Variants in SFT2D1 observed in about 807,000 individuals in gnomAD.
SFT2D1 encodes vesicle transport protein SFT2A.
A neutral mutation model predicts 28.1 loss-of-function variants in SFT2D1; 24 were observed. That is an observed-to-expected ratio of 0.85 (90% CI 0.62 to 1.20). The LOEUF (loss-of-function observed/expected upper bound fraction) is 1.20. Among genes scored for constraint, SFT2D1 ranks in the 50% most tolerant of loss-of-function variants. SFT2D1 has a pLI of 0.00. For synonymous variants in SFT2D1, 82 were observed against 73.7 expected (o/e 1.11, Z -0.58); for missense variants, 181 against 190.9 (o/e 0.95, Z 0.31).
At chr6:166,321,236 CTTCA>C (rs1243640013) in intron 7 of SFT2D1, among the ~76,000 whole-genome samples, 3 of 152,116 alleles carry the variant, frequency 2.0e-5, no homozygotes, top group South Asian at 4.2e-4. Flanking sequence ...TTACTTGATA[CTTCA>C]TTCATTAAAA....
chr6:166,326,242 G>A, intron 4 of SFT2D1, 75 bp from the exon 5 acceptor site: 1 of 1,279,118 alleles, frequency 7.8e-7, no homozygotes, highest in South Asian at 1.2e-5. Context: ...AAACTATTCT[G>A]CATTCATTTA....
At chr6:166,332,353 C>G (rs1284197947) in intron 1 of SFT2D1, among the ~76,000 whole-genome samples, 2 of 152,222 alleles carry the variant, frequency 1.3e-5, no homozygotes, top group Non-Finnish European at 2.9e-5. Flanking sequence ...CTCCCAGGTT[C>G]AAGTGATTCT....
intron 1 of SFT2D1, among the ~76,000 whole-genome samples, chr6:166,341,727 A>C (rs1778785796): frequency 6.6e-6 from 1 of 152,086 alleles, no homozygotes; most frequent in African/African-American, 2.4e-5. Flanking sequence ...AAAAAAACTT[A>C]CACCGCAGTT....
chr6:166,340,401 T>C (rs1057219986), intron 1 of SFT2D1, among the ~76,000 whole-genome samples: 2 of 152,240 alleles, frequency 1.3e-5, no homozygotes, highest in African/African-American at 2.4e-5. Flanking sequence ...ATCCTTTCTA[T>C]GGCCTATGAG....
chr6:166,342,315 C>A lies in SFT2D1; in HGVS notation c.63+104G>T, dbSNP rs556237701. On this transcript the variant is annotated intron_variant, in intron 1 of 7. Transcript: ENST00000361731. The stretch of plus-strand genomic sequence containing the variant: ...AAATCAACCAGCCGGGCAGAGGAGT[C>A]CCAGACCCCCGGCCTCGCACCCACC... 19 of 1,050,650 alleles carry A rather than the reference C, an allele frequency of 1.8e-5. No individual in the cohort carries two copies. In the Admixed American group the frequency reaches 2.7e-4, roughly 15 times the overall value. 65.1% of individuals were successfully genotyped at this position (1,050,650 alleles called of 1,614,324 possible).
rs1307850943 is a variant in SFT2D1, at chr6:166,342,448, C to T, written c.34G>A (p.Asp12Asn). Residue 12 changes from aspartate to asparagine, a missense_variant, in exon 1 of 8, where the codon GAC becomes AAC. Transcript: ENST00000361731. ...EKLRRVLSGQ[D>N]DEEQGLTAQV... ...GCAGTCAGGCCCTGCTCCTCGTCGTCCTGGCCGCTCAGGACTCGCCGCAGC... is the reference window on the plus strand; with the variant it reads ...GCAGTCAGGCCCTGCTCCTCGTCGTTCTGGCCGCTCAGGACTCGCCGCAGC... 6.4e-7 allele frequency: 1 copy of T among 1,560,278 alleles called. No individual in the cohort carries two copies. Among genetic ancestry groups the T allele is most frequent in the Non-Finnish European group, 8.7e-7 (1 of 1,152,796 alleles).
rs75839579 is a variant in SFT2D1, at chr6:166,327,443, G to C, written c.315+833C>G. On this transcript the variant is annotated intron_variant, in intron 4 of 7. Coordinates refer to ENST00000361731, the MANE Select transcript of SFT2D1 (RefSeq NM_145169.3). ...CTCAAGATAATAAGAGTGATGACCT[G>C]AGAGTTGTGGACAGAACCCACAATG... Among the ~76,000 whole-genome samples the C allele has an allele frequency of 3.9e-4, 59 of 152,318 alleles. 1 individual carries two copies. In the East Asian group the frequency reaches 0.011, roughly 29 times the overall value.
intron 6 of SFT2D1, 189 bp downstream of exon 6, chr6:166,324,348 C>A: frequency 3.8e-6 from 2 of 521,378 alleles, no homozygotes; most frequent in Non-Finnish European, 6.9e-6. Flanking sequence ...ATACTTCTCC[C>A]GAACAGTACC....
At chr6:166,326,218 T>G in intron 4 of SFT2D1, 51 bp from the exon 5 acceptor site, 1 of 1,510,626 alleles carries the variant, frequency 6.6e-7, no homozygotes. Flanking sequence ...TTCAAAAGCC[T>G]AATAAAAATG....
rs1484716066 is a variant in SFT2D1, at chr6:166,339,933, G to A, written c.63+2486C>T. Among the ~76,000 whole-genome samples the A allele has an allele frequency of 2.0e-5, 3 of 152,126 alleles. No individual in the cohort carries two copies. The East Asian group carries it at 5.8e-4, about 29-fold the overall frequency. On this transcript the variant is annotated intron_variant, in intron 1 of 7. Coordinates refer to ENST00000361731, the MANE Select transcript of SFT2D1 (RefSeq NM_145169.3). ...AACTGCTTTCCTCACATCTCCACTT[G>A]GATGCTACCTGGATCTCAGACTTCA... is the stretch of plus-strand genomic sequence containing the variant.
chr6:166,329,766 A>G (rs1778516468), intron 2 of SFT2D1, among the ~76,000 whole-genome samples, 177 bp from the exon 3 acceptor site: 1 of 152,242 alleles, frequency 6.6e-6, no homozygotes, highest in Non-Finnish European at 1.5e-5. Flanking sequence ...AATGTTATAC[A>G]CTAACTTGAA....
chr6:166,320,428 G>T (rs947291839), intron 7 of SFT2D1, among the ~76,000 whole-genome samples, 172 bp from the exon 8 acceptor site: 1 of 152,132 alleles, frequency 6.6e-6, no homozygotes, highest in Non-Finnish European at 1.5e-5. Flanking sequence ...GCTAAGATTT[G>T]AAAACATTTT....
intron 1 of SFT2D1, among the ~76,000 whole-genome samples, chr6:166,341,963 A>C (rs1215138809): frequency 6.6e-6 from 1 of 152,104 alleles, no homozygotes; most frequent in Non-Finnish European, 1.5e-5. Context: ...CCCCCAGCAA[A>C]CACACACATA....
intron 3 of SFT2D1, among the ~76,000 whole-genome samples, 183 bp from the exon 4 acceptor site, chr6:166,328,540 G>A (rs1159656547): frequency 6.6e-6 from 1 of 152,048 alleles, no homozygotes; most frequent in African/African-American, 2.4e-5. Flanking sequence ...ACATGCTATG[G>A]TGTGAAGGTG....
rs116666199 is a variant in SFT2D1, at chr6:166,325,974, A to G, written c.351+158T>C. 1.0e-3 allele frequency: 743 copies of G among 713,514 alleles called. 7 individuals carry two copies. The African/African-American group carries it at 0.012, about 11-fold the overall frequency. The allele number at this position is 713,514 out of a possible 1,614,324, so 44.2% of individuals were successfully genotyped here. On this transcript the variant is annotated intron_variant, in intron 5 of 7. Coordinates refer to ENST00000361731, the MANE Select transcript of SFT2D1 (RefSeq NM_145169.3). ...AGTAGAATCTATGGCATTTTTAGCA[A>G]CTAGCTGGATGGTAACATGTCAAAT...
intron 1 of SFT2D1, among the ~76,000 whole-genome samples, chr6:166,331,057 T>A (rs1283920323): frequency 2.6e-5 from 4 of 152,190 alleles, no homozygotes; most frequent in African/African-American, 9.7e-5. Context: ...AGCCAAATTA[T>A]GTGGGGAAAA....
chr6:166,335,079 T>C, intron 1 of SFT2D1: 1 of 567,018 alleles, frequency 1.8e-6, no homozygotes, highest in Non-Finnish European at 3.4e-6. Context: ...AATACCATAC[T>C]GTGAATGGCC....
At chr6:166,338,805 G>T (rs572440486) in intron 1 of SFT2D1, among the ~76,000 whole-genome samples, 1 of 152,126 alleles carries the variant, frequency 6.6e-6, no homozygotes, top group Non-Finnish European at 1.5e-5. Context: ...ACTCTCTTAA[G>T]ATCTGGCTCA....
chr6:166,335,526 G>C, intron 1 of SFT2D1: 1 of 462,240 alleles, frequency 2.2e-6, no homozygotes, highest in South Asian at 1.7e-5. Flanking sequence ...AGTAGCAACA[G>C]TAGCCATGGC....
Sources: allele counts gnomAD v4.1 joint callset (sites outside exome capture counted in the v4.1 genomes callset), GRCh38; gene constraint gnomAD v4.1.1; transcripts MANE v1.5; gene names NCBI Gene and HGNC (gene_info 2026-07-23, HGNC 2026-07-21).